PTPRD: variants seen among roughly 807,000 people sequenced by gnomAD.
PTPRD encodes protein tyrosine phosphatase receptor type D.
A neutral mutation model predicts 214.5 loss-of-function variants in PTPRD; 34 were observed. That is an observed-to-expected ratio of 0.16 (90% CI 0.12 to 0.21). The LOEUF is 0.21. Among genes scored for constraint, PTPRD ranks in the 10% least tolerant of loss-of-function variants. The probability of loss-of-function intolerance (pLI) is 1.00; values close to 1 mark genes in which losing one functional copy is unlikely to be tolerated. For synonymous variants in PTPRD, 1,128 were observed against 845.7 expected, an observed-to-expected ratio of 1.33 and a Z score of -5.79; for missense variants, 2,545 against 2,398.7, an observed-to-expected ratio of 1.06 and a Z score of -1.27.
At chr9:8,434,024 C>T (rs2095232286) in intron 35 of PTPRD, among the ~76,000 whole-genome samples, 2 of 152,154 alleles carry the variant, frequency 1.3e-5, no homozygotes, top group African/African-American at 4.8e-5. Flanking sequence ...TCTTGTCACC[C>T]AGGCTGGAGT....
chr9:8,809,917 G>A (rs534617824), intron 11 of PTPRD, among the ~76,000 whole-genome samples: 1 of 152,274 alleles, frequency 6.6e-6, no homozygotes, highest in Non-Finnish European at 1.5e-5. Context: ...ATCAACAGAT[G>A]TCATAAGAGA....
chr9:9,448,656 C>T (rs1397937279), intron 8 of PTPRD, among the ~76,000 whole-genome samples: 2 of 151,984 alleles, frequency 1.3e-5, no homozygotes, highest in Non-Finnish European at 2.9e-5. Context: ...CTAAGAGTTA[C>T]ACACATAATA....
chr9:9,823,298 C>T (rs2051444278), intron 5 of PTPRD, among the ~76,000 whole-genome samples: 1 of 151,860 alleles, frequency 6.6e-6, no homozygotes, highest in South Asian at 2.1e-4. Context: ...GGGGAGCAGG[C>T]ACATCACATG....
intron 12 of PTPRD, among the ~76,000 whole-genome samples, chr9:8,689,624 A>G (rs1002327114): frequency 2.0e-5 from 3 of 152,170 alleles, no homozygotes; most frequent in Non-Finnish European, 2.9e-5. Flanking sequence ...CCATGATTCA[A>G]ATTATCTCCC....
intron 10 of PTPRD, among the ~76,000 whole-genome samples, chr9:9,042,614 C>CTTTTTTTTTTTTTTTTT (rs775574124): frequency 2.5e-4 from 28 of 112,424 alleles, no homozygotes; most frequent in East Asian, 7.7e-4. Flanking sequence ...TCTTTTTTTT[C>CTTTTTTTTTTTTTTTTT]TTTTCTTTTT....
At chr9:9,392,598 T>C (rs963217322) in intron 9 of PTPRD, among the ~76,000 whole-genome samples, 7 of 152,162 alleles carry the variant, frequency 4.6e-5, no homozygotes, top group African/African-American at 1.7e-4. Context: ...ACCTTTGCTG[T>C]GACTCTAGGG....
At chr9:8,379,283 T>A (rs1382694646) in intron 37 of PTPRD, among the ~76,000 whole-genome samples, 1 of 152,136 alleles carries the variant, frequency 6.6e-6, no homozygotes. Flanking sequence ...TAGAAGCTTT[T>A]CCTGAGCTTA....
intron 31 of PTPRD, among the ~76,000 whole-genome samples, chr9:8,470,624 C>T (rs978203249): frequency 5.3e-5 from 8 of 152,082 alleles, no homozygotes; most frequent in Admixed American, 3.3e-4. Context: ...GTGACAGCCT[C>T]AGCAACTGTT....
At chr9:8,656,755 T>C (rs943039185) in intron 12 of PTPRD, among the ~76,000 whole-genome samples, 1 of 152,206 alleles carries the variant, frequency 6.6e-6, no homozygotes, top group African/African-American at 2.4e-5. Flanking sequence ...TTACTGGCCT[T>C]CCGGTATAGG....
chr9:8,744,018 C>G (rs776289539), intron 11 of PTPRD, among the ~76,000 whole-genome samples: 28 of 151,704 alleles, frequency 1.8e-4, no homozygotes, highest in South Asian at 6.3e-4. Context: ...AAATGGCCAA[C>G]AAGCATATGG....
intron 11 of PTPRD, among the ~76,000 whole-genome samples, chr9:8,772,539 C>T (rs571875182): frequency 1.3e-5 from 2 of 152,048 alleles, no homozygotes; most frequent in South Asian, 4.2e-4. Context: ...GTCCCAGCTA[C>T]TCAGGAGGCA....
At chr9:9,197,774 C>T (rs1215370036) in intron 9 of PTPRD, among the ~76,000 whole-genome samples, 1 of 152,166 alleles carries the variant, frequency 6.6e-6, no homozygotes, top group Non-Finnish European at 1.5e-5. Flanking sequence ...TGTCAACACT[C>T]CTTTCATGTT....
intron 10 of PTPRD, among the ~76,000 whole-genome samples, chr9:9,158,280 G>A (rs1281134710): frequency 6.6e-6 from 1 of 152,040 alleles, no homozygotes; most frequent in African/African-American, 2.4e-5. Context: ...CTAAGTCTTT[G>A]AGGAATTGCC....
At chr9:9,476,138 C>T (rs992717196) in intron 8 of PTPRD, among the ~76,000 whole-genome samples, 3 of 152,140 alleles carry the variant, frequency 2.0e-5, no homozygotes, top group Middle Eastern at 3.2e-3. Flanking sequence ...GATATGTCTG[C>T]CTCAATGTTG....
At chr9:8,411,564 A>G (rs977913102) in intron 35 of PTPRD, among the ~76,000 whole-genome samples, 5 of 152,204 alleles carry the variant, frequency 3.3e-5, no homozygotes, top group African/African-American at 7.2e-5. Flanking sequence ...TTGGCTTCCC[A>G]AAGTGTTGAG....
intron 11 of PTPRD, among the ~76,000 whole-genome samples, chr9:8,762,425 C>T (rs1045071481): frequency 6.6e-6 from 1 of 152,070 alleles, no homozygotes; most frequent in African/African-American, 2.4e-5. Context: ...TACAGATTTA[C>T]AAATCAAATA....
In PTPRD at chr9:10,343,976, T is replaced by C. The variant is rs530938289; in HGVS notation, c.-599-2959A>G. ...GTAGGTTGCCTGTTCATTCTGATGGTAGTTTTTTTTTTTTTTTTTTTTTTT... is the reference window on the plus strand; with the variant it reads ...GTAGGTTGCCTGTTCATTCTGATGGCAGTTTTTTTTTTTTTTTTTTTTTTT... On this transcript the variant is annotated intron_variant, in intron 2 of 45. Transcript: ENST00000381196. Among the ~76,000 whole-genome samples, 302 of 136,910 alleles carry C rather than the reference T, an allele frequency of 2.2e-3. 3 individuals carry two copies. The highest frequency in any genetic ancestry group is 7.9e-3 in the African/African-American group (284 of 36,006). The allele number at this position is 136,910 out of a possible 152,430, so 89.8% of individuals were successfully genotyped here.
intron 8 of PTPRD, among the ~76,000 whole-genome samples, chr9:9,398,463 T>C (rs919788847): frequency 1.3e-5 from 2 of 152,058 alleles, no homozygotes; most frequent in Admixed American, 6.6e-5. Context: ...AGTGTATAGA[T>C]AGCATATGGT....
At chr9:10,592,918 G>A (rs1265954956) in intron 2 of PTPRD, among the ~76,000 whole-genome samples, 1 of 151,904 alleles carries the variant, frequency 6.6e-6, no homozygotes, top group African/African-American at 2.4e-5. Flanking sequence ...ACCTGCTCTT[G>A]TCCCCTTCCA....
Sources: gnomAD v4.1 joint callset for allele counts (sites outside exome capture counted in the v4.1 genomes callset) on GRCh38, gnomAD v4.1.1 for gene constraint, MANE v1.5 for transcripts, NCBI Gene and HGNC (gene_info 2026-07-23, HGNC 2026-07-21) for gene names.